CBARP: variants seen among roughly 807,000 people sequenced by gnomAD.
The protein encoded by CBARP is CACN subunit beta associated regulatory protein, also known as voltage-dependent calcium channel beta subunit-associated regulatory protein.
Under a neutral mutation model 36.3 loss-of-function variants are expected in CBARP, and 24 were observed. That is an observed-to-expected ratio of 0.66 (90% CI 0.48 to 0.93). The LOEUF (loss-of-function observed/expected upper bound fraction) is 0.93. CBARP is among the 40% of genes least tolerant of loss of function. CBARP has a pLI of 0.00. For synonymous variants in CBARP, 586 were observed against 453.2 expected, an observed-to-expected ratio of 1.29 and a Z score of -3.72; for missense variants, 1,146 against 980.4, an observed-to-expected ratio of 1.17 and a Z score of -2.26.
chr19:1,229,705 G>C lies in CBARP; in HGVS notation c.1592C>G (p.Ala531Gly). 1 of 996,790 alleles carries C rather than the reference G, an allele frequency of 1.0e-6. No individual in the cohort carries two copies. The highest frequency in any genetic ancestry group is 1.2e-6 in the Non-Finnish European group (1 of 835,818). The allele number at this position is 996,790 out of a possible 1,614,324, so 61.7% of individuals were successfully genotyped here. Residue 531 changes from alanine to glycine, a missense_variant, in exon 10 of 10, where the codon GCC becomes GGC. By Grantham distance (60) the Ala-to-Gly change is moderately conservative. Transcript: ENST00000650044. This position sits in a 1 kb window ranked among gnomAD's most constrained non-coding sequence, Gnocchi z 5.1. ...AAPARPRSPRAWPRRPRRDYS... is the reference protein window; with the variant it reads ...AAPARPRSPRGWPRRPRRDYS... Reference sequence around the variant, plus strand: ...GTCGCGGCGCGGGCGGCGGGGCCAGGCGCGCGGGCTGCGGGGCCGGGCGGG... The same window carrying C: ...GTCGCGGCGCGGGCGGCGGGGCCAGCCGCGCGGGCTGCGGGGCCGGGCGGG...
At chr19:1,238,164 C>G (rs1336758069), upstream of CBARP, 2 of 151,822 alleles carry the variant, frequency 1.3e-5, no homozygotes, top group Non-Finnish European at 2.9e-5. Context: ...TCACCTCGCC[C>G]GGTCCTGAGG....
At position 1,230,070 on chromosome 19, in the gene CBARP, C is replaced by G. The variant is rs952378151; in HGVS notation, c.1227G>C (p.Gly409=). The change falls in exon 10 of 10, where the codon GGG becomes GGC. Residue 409 remains glycine, a synonymous_variant. Coordinates refer to ENST00000650044, the MANE Select transcript of CBARP (RefSeq NM_001393918.1). The part of the protein sequence containing the change: ...SPPERGAGSA[G]PEQQQPPLEP... ...CCAGTGGCGGCTGCTGCTGCTCAGG[C>G]CCCGCGCTGCCCGCGCCGCGCTCCG... 8.8e-7 allele frequency: 1 copy of G among 1,135,728 alleles called. No individual in the cohort carries two copies. The highest frequency in any genetic ancestry group is 1.1e-6 in the Non-Finnish European group (1 of 916,040). The allele number at this position is 1,135,728 out of a possible 1,614,324, so 70.4% of individuals were successfully genotyped here.
intron 8 of CBARP, 145 bp from the exon 9 acceptor site, chr19:1,231,420 C>T: frequency 8.0e-7 from 1 of 1,254,362 alleles, no homozygotes; most frequent in Non-Finnish European, 1.1e-6. Context: ...CCCCACCACA[C>T]ACACACAACG....
intron 1 of CBARP, among the ~76,000 whole-genome samples, chr19:1,236,877 G>T (rs2080982313): frequency 6.8e-6 from 1 of 147,440 alleles, no homozygotes; most frequent in South Asian, 2.1e-4. Flanking sequence ...CCTCGGGGGG[G>T]CGGGCGCGAA....
chr19:1,232,978 G>A (rs1041313298), intron 8 of CBARP, among the ~76,000 whole-genome samples: 1 of 152,244 alleles, frequency 6.6e-6, no homozygotes, highest in African/African-American at 2.4e-5. Context: ...AGCAGCTGAT[G>A]GTCTGCCAGC....
intron 1 of CBARP, among the ~76,000 whole-genome samples, chr19:1,236,890 C>A (rs1488939010): frequency 6.7e-6 from 1 of 149,756 alleles, no homozygotes; most frequent in Non-Finnish European, 1.5e-5. Flanking sequence ...GGCGCGAAGC[C>A]GCAAGATGGC....
rs1288792640 is a variant in CBARP, at chr19:1,229,277, C to G, written c.2020G>C (p.Asp674His). 1.3e-5 allele frequency: 16 copies of G among 1,254,906 alleles called. No individual in the cohort carries two copies. The highest frequency in any genetic ancestry group is 1.6e-5 in the African/African-American group (1 of 61,826). 77.7% of individuals were successfully genotyped at this position (1,254,906 alleles called of 1,614,324 possible). A position where few individuals can be genotyped will look rare whatever the true frequency, so the allele number is the denominator to read the frequency against. ...AGGCGCGGCGGAAAGAGTCTCTCGT[C>G]GAGGCCAGCCGCCAGCTTGTCCAGC... ...SVLDKLAAGL[D>H]ERLFPPRLAE... is the part of the protein sequence containing the mutation. Residue 674 changes from aspartate to histidine, a missense_variant, in exon 10 of 10, where the codon GAC becomes CAC. By Grantham distance (81) the Asp-to-His change is moderately conservative (BLOSUM62 -1). Transcript: ENST00000650044. This position sits in a 1 kb window ranked among gnomAD's most constrained non-coding sequence, Gnocchi z 5.1.
chr19:1,234,409 A>G, intron 6 of CBARP, 78 bp from the exon 7 acceptor site: 3 of 1,433,564 alleles, frequency 2.1e-6, no homozygotes, highest in Non-Finnish European at 2.7e-6. Flanking sequence ...TGGGCAGGTG[A>G]GGAGCATGCT....
At chr19:1,236,758 A>C (rs1338122642) in intron 1 of CBARP, among the ~76,000 whole-genome samples, 1 of 150,582 alleles carries the variant, frequency 6.6e-6, no homozygotes, top group Non-Finnish European at 1.5e-5. Flanking sequence ...CCAGCCCCGG[A>C]GAAGCTGGTT....
At chr19:1,232,846 C>T (rs980450975) in intron 8 of CBARP, among the ~76,000 whole-genome samples, 4 of 152,248 alleles carry the variant, frequency 2.6e-5, no homozygotes, top group Admixed American at 6.5e-5. Context: ...CATAACCCCA[C>T]GAACACCACC....
rs773904642 is a variant in CBARP, at chr19:1,235,106, G to A, written c.350C>T (p.Ala117Val). Residue 117 changes from alanine to valine, a missense_variant, in exon 5 of 10, where the codon GCG becomes GTG. Transcript: ENST00000650044. ...FRGEDPECQD[A>V]ETERFLSTSS... Reference sequence around the variant, plus strand: ...GGTGGACAGGAAGCGTTCGGTCTCCGCATCCTGGCACTCGGGGTCCTCTCC... The same window carrying A: ...GGTGGACAGGAAGCGTTCGGTCTCCACATCCTGGCACTCGGGGTCCTCTCC... 2.7e-5 allele frequency: 43 copies of A among 1,603,336 alleles called. No individual in the cohort carries two copies. The highest frequency in any genetic ancestry group is 5.4e-5 in the African/African-American group (4 of 74,700).
chr19:1,236,503 G>T (rs1322433699), intron 1 of CBARP, among the ~76,000 whole-genome samples: 1 of 151,982 alleles, frequency 6.6e-6, no homozygotes, highest in Non-Finnish European at 1.5e-5. Context: ...GCTCGAGAAG[G>T]ACTCCAGACG....
At position 1,228,412 on chromosome 19, in the gene CBARP, TAAAG is replaced by T. The variant is rs1262473188; in HGVS notation, c.*763_*766del. 4.4e-6 allele frequency: 1 copy of T among 225,136 alleles called. No homozygotes were observed. Among genetic ancestry groups the T allele is most frequent in the African/African-American group, 2.2e-5 (1 of 44,790 alleles). 13.9% of individuals were successfully genotyped at this position (225,136 alleles called of 1,614,324 possible). A position where few individuals can be genotyped will look rare whatever the true frequency, so the allele number is the denominator to read the frequency against. ...GAGGCCGCCCAAATTTGGCAATAAA[TAAAG>T]CTTGGGAAGCTTGGACCTGGCCGTC... On this transcript the variant is annotated 3_prime_UTR_variant, in exon 10 of 10. Coordinates refer to ENST00000650044, the MANE Select transcript of CBARP (RefSeq NM_001393918.1).
chr19:1,229,051 G>C lies in CBARP; in HGVS notation c.*128C>G. 4.8e-6 allele frequency: 1 copy of C among 208,384 alleles called. No individual in the cohort carries two copies. The highest frequency in any genetic ancestry group is 1.7e-4 in the South Asian group (1 of 6,032). The allele number at this position is 208,384 out of a possible 1,614,324, so 12.9% of individuals were successfully genotyped here. ...GGCGAGCGCGCCTCCGTCGCCCGGC[G>C]CGTGCGCGAAGGGCCCGCGGTCCCC... On this transcript the variant is annotated 3_prime_UTR_variant, in exon 10 of 10. Coordinates refer to ENST00000650044, the MANE Select transcript of CBARP (RefSeq NM_001393918.1). This position sits in a 1 kb window ranked among gnomAD's most constrained non-coding sequence, Gnocchi z 5.1.
Position 1,229,286 on chromosome 19 carries a change from C to T in CBARP, c.2011G>A (p.Ala671Thr). The T allele has an allele frequency of 1.6e-6, 2 of 1,258,958 alleles. No individual in the cohort carries two copies. Among genetic ancestry groups the T allele is most frequent in the Non-Finnish European group, 2.0e-6 (2 of 978,022 alleles). 78.0% of individuals were successfully genotyped at this position (1,258,958 alleles called of 1,614,324 possible). ...PSGSVLDKLA[A>T]GLDERLFPPR... ...GGAAAGAGTCTCTCGTCGAGGCCAG[C>T]CGCCAGCTTGTCCAGCACCGACCCG... Residue 671 changes from alanine to threonine, a missense_variant, in exon 10 of 10, where the codon GCT (alanine) becomes ACT (threonine). Ala to Thr is a moderately conservative substitution (Grantham distance 58, BLOSUM62 0). Coordinates refer to ENST00000650044, the MANE Select transcript of CBARP (RefSeq NM_001393918.1). This position sits in a 1 kb window ranked among gnomAD's most constrained non-coding sequence, Gnocchi z 5.1.
rs1260001357 is a variant in CBARP, at chr19:1,228,864, G to A, written c.*315C>T. 6.8e-6 allele frequency: 1 copy of A among 147,786 alleles called. No homozygotes were observed. 9.2% of individuals were successfully genotyped at this position (147,786 alleles called of 1,614,324 possible). On this transcript the variant is annotated 3_prime_UTR_variant, in exon 10 of 10. Transcript: ENST00000650044. ...TGAGGGCGAGTGATCGTTGTCCTCA[G>A]GAGCCCGAAGCTGAGAGCCGTTCAC...
At chr19:1,236,484 G>C (rs2145461271) in intron 1 of CBARP, among the ~76,000 whole-genome samples, 1 of 152,264 alleles carries the variant, frequency 6.6e-6, no homozygotes. Context: ...CGCCAAGGCG[G>C]TGCAGCCGGC....
chr19:1,235,588 C>A lies in CBARP; in HGVS notation c.246-23G>T, dbSNP rs774445857. The A allele has an allele frequency of 5.0e-6, 8 of 1,603,788 alleles. No homozygotes were observed. In the African/African-American group the frequency reaches 5.3e-5, roughly 11 times the overall value. On this transcript the variant is annotated intron_variant, in intron 3 of 9. Coordinates refer to ENST00000650044, the MANE Select transcript of CBARP (RefSeq NM_001393918.1). Reference sequence around the variant, plus strand: ...GCCCTGGGAGAGACGTTGGGAGAGCCCAGTGGCACGGAGGGCCCAGATAGC... The same window carrying A: ...GCCCTGGGAGAGACGTTGGGAGAGCACAGTGGCACGGAGGGCCCAGATAGC...
Position 1,233,492 on chromosome 19 carries a change from G to A in CBARP, c.913C>T (p.Pro305Ser). 2 of 1,606,404 alleles carry A rather than the reference G, an allele frequency of 1.2e-6. No individual in the cohort carries two copies. The highest frequency in any genetic ancestry group is 1.7e-6 in the Non-Finnish European group (2 of 1,177,190). ...TTCCACTTCTTGACCTTGAAATAGG[G>A]GCTGGCCCCATCCAGGCTGGCATGG... ...RRHASLDGAS[P>S]YFKVKKWKLE... Residue 305 changes from proline to serine, a missense_variant, in exon 8 of 10, where the codon CCC becomes TCC. Pro to Ser is a moderately conservative substitution (Grantham distance 74, BLOSUM62 -1). Transcript: ENST00000650044.
Sources: gnomAD v4.1 joint callset for allele counts (sites outside exome capture counted in the v4.1 genomes callset) on GRCh38, gnomAD v4.1.1 for gene constraint, Gnocchi (gnomAD v3.1) non-coding constraint, MANE v1.5 for transcripts, NCBI Gene and HGNC (gene_info 2026-07-23, HGNC 2026-07-21) for gene names.